Variants in PLPPR1 observed in about 807,000 individuals in gnomAD.
PLPPR1 encodes the protein phospholipid phosphatase-related protein type 1.
A neutral mutation model predicts 33.1 loss-of-function variants in PLPPR1; 10 were observed. The ratio of observed to expected loss-of-function variants is 0.30; its 90% CI spans 0.19 to 0.51. The LOEUF is 0.51. PLPPR1 is among the 20% of genes least tolerant of loss of function. The pLI, the probability that PLPPR1 is intolerant of heterozygous loss-of-function variation, is 0.97. For missense variants in PLPPR1, 304 were observed against 408.1 expected (o/e 0.74, Z 2.20); for synonymous variants, 151 against 151.0 (o/e 1.00, Z 0.00).
chr9:101,182,294 A>G (rs1403283034), intron 1 of PLPPR1, among the ~76,000 whole-genome samples: 1 of 151,672 alleles, frequency 6.6e-6, no homozygotes, highest in African/African-American at 2.4e-5. Context: ...AAAGTTTCAG[A>G]TAGACAGGAG....
intron 1 of PLPPR1, among the ~76,000 whole-genome samples, chr9:101,145,739 GC>G (rs1564157539): frequency 4.0e-5 from 6 of 151,596 alleles, no homozygotes; most frequent in Admixed American, 2.0e-4. Context: ...GAAATGTCAG[GC>G]CAGATGTGGT....
chr9:101,272,858 G>A (rs1411869285), intron 3 of PLPPR1, among the ~76,000 whole-genome samples: 1 of 152,152 alleles, frequency 6.6e-6, no homozygotes, highest in African/African-American at 2.4e-5. Context: ...CTGAAGAGCA[G>A]TTTGTTAAAG....
chr9:101,060,643 A>G (rs1223078383), intron 1 of PLPPR1, among the ~76,000 whole-genome samples: 1 of 152,020 alleles, frequency 6.6e-6, no homozygotes, highest in East Asian at 1.9e-4. Context: ...AATAATTTAG[A>G]TAATTAACAC....
At chr9:101,310,757 GC>G (rs1240405844) in intron 5 of PLPPR1, among the ~76,000 whole-genome samples, 1 of 152,152 alleles carries the variant, frequency 6.6e-6, no homozygotes, top group African/African-American at 2.4e-5. Flanking sequence ...AGCAGATAGT[GC>G]CTTTGTGTCC....
chr9:101,144,985 A>G (rs1831503131), intron 1 of PLPPR1, among the ~76,000 whole-genome samples: 1 of 151,972 alleles, frequency 6.6e-6, no homozygotes, highest in Admixed American at 6.6e-5. Flanking sequence ...CTTTCTCACC[A>G]TGGTGAGAAA....
chr9:101,159,486 T>A (rs545755934), intron 1 of PLPPR1, among the ~76,000 whole-genome samples: 12 of 152,214 alleles, frequency 7.9e-5, no homozygotes, highest in Non-Finnish European at 1.3e-4. Flanking sequence ...ATGATTGAAA[T>A]GTTTCAAGGG....
intron 1 of PLPPR1, among the ~76,000 whole-genome samples, chr9:101,047,202 T>A (rs1341326221): frequency 6.6e-6 from 1 of 152,212 alleles, no homozygotes; most frequent in Non-Finnish European, 1.5e-5. Context: ...TCCCCTCCTC[T>A]CATATACATA....
chr9:101,266,532 C>T (rs1349296440), intron 2 of PLPPR1, among the ~76,000 whole-genome samples: 2 of 152,162 alleles, frequency 1.3e-5, no homozygotes, highest in Non-Finnish European at 2.9e-5. Flanking sequence ...AGTTCTGTCA[C>T]ATAAGCTGCT....
chr9:101,147,548 C>A (rs1349022265), intron 1 of PLPPR1, among the ~76,000 whole-genome samples: 1 of 151,708 alleles, frequency 6.6e-6, no homozygotes, highest in Non-Finnish European at 1.5e-5. Context: ...GAAAAAGAGA[C>A]CCAGGAAATG....
intron 2 of PLPPR1, among the ~76,000 whole-genome samples, chr9:101,203,401 C>T (rs1412269998): frequency 2.0e-5 from 3 of 152,042 alleles, no homozygotes; most frequent in Admixed American, 6.6e-5. Flanking sequence ...CAGTGCTGGG[C>T]CAGGAATCAG....
chr9:101,174,561 T>C (rs1164440656), intron 1 of PLPPR1, among the ~76,000 whole-genome samples: 1 of 152,170 alleles, frequency 6.6e-6, no homozygotes, highest in East Asian at 1.9e-4. Context: ...GCTCTGACTT[T>C]GCACAGCTTA....
rs566871572 is a variant in PLPPR1 at position 101,118,494 on chromosome 9, T to C, written c.-45-66956T>C. Among the ~76,000 whole-genome samples the C allele has an allele frequency of 7.0e-4, 106 of 152,314 alleles. No individual in the cohort carries two copies. In the South Asian group the frequency reaches 0.021, roughly 30 times the overall value. Reference sequence around the variant, plus strand: ...CACTGGGAAGGGATATCTGGAACTCTCTCTCTCTCTCTTTCTCTCTCCATG... The same window carrying C: ...CACTGGGAAGGGATATCTGGAACTCCCTCTCTCTCTCTTTCTCTCTCCATG... On this transcript the variant is annotated intron_variant, in intron 1 of 7. Coordinates refer to ENST00000374874, the MANE Select transcript of PLPPR1 (RefSeq NM_207299.2).
At chr9:101,136,188 T>C (rs1290695514) in intron 1 of PLPPR1, among the ~76,000 whole-genome samples, 3 of 152,196 alleles carry the variant, frequency 2.0e-5, no homozygotes, top group Admixed American at 6.5e-5. Flanking sequence ...GGAATAATTA[T>C]CTCATCTTCT....
intron 2 of PLPPR1, among the ~76,000 whole-genome samples, chr9:101,186,196 GAGACAA>G (rs1299759408): frequency 6.6e-6 from 1 of 151,774 alleles, no homozygotes; most frequent in Non-Finnish European, 1.5e-5. Context: ...TGCTATAGAG[GAGACAA>G]AGACATGAAT....
intron 1 of PLPPR1, chr9:101,185,135 G>A (rs1826182759): frequency 4.9e-6 from 1 of 202,576 alleles, no homozygotes; most frequent in East Asian, 1.1e-4. Flanking sequence ...TGTATTTCAT[G>A]GCATTAGGGC....
chr9:101,282,994 C>G (rs962588202), intron 3 of PLPPR1, among the ~76,000 whole-genome samples: 3 of 152,022 alleles, frequency 2.0e-5, no homozygotes, highest in Non-Finnish European at 4.4e-5. Context: ...CATTTGCTAC[C>G]AAAATATCAA....
At chr9:101,069,892 T>A (rs1004867508) in intron 1 of PLPPR1, among the ~76,000 whole-genome samples, 1 of 152,056 alleles carries the variant, frequency 6.6e-6, no homozygotes, top group Non-Finnish European at 1.5e-5. Context: ...TTAGGGAAAG[T>A]GGGAAGGGAA....
At chr9:101,189,334 G>C (rs563186097) in intron 2 of PLPPR1, among the ~76,000 whole-genome samples, 1 of 152,128 alleles carries the variant, frequency 6.6e-6, no homozygotes, top group Non-Finnish European at 1.5e-5. Context: ...GGTTTGATAA[G>C]AGGTTATGGA....
At chr9:101,275,769 G>A (rs1174983190) in intron 3 of PLPPR1, among the ~76,000 whole-genome samples, 2 of 152,136 alleles carry the variant, frequency 1.3e-5, no homozygotes, top group Non-Finnish European at 2.9e-5. Flanking sequence ...GCTTCACAAT[G>A]AAGTGACAGG....
Sources: gnomAD v4.1 joint callset for allele counts (sites outside exome capture counted in the v4.1 genomes callset) on GRCh38, gnomAD v4.1.1 for gene constraint, MANE v1.5 for transcripts, NCBI Gene and HGNC (gene_info 2026-07-23, HGNC 2026-07-21) for gene names.